TCEA2: variants seen among roughly 807,000 people sequenced by gnomAD.
TCEA2 encodes transcription elongation factor A protein 2.
TCEA2 carries 21 observed loss-of-function variants against 40.8 expected under a neutral mutation model. The ratio of observed to expected loss-of-function variants is 0.51; its 90% confidence interval spans 0.36 to 0.74. The LOEUF (loss-of-function observed/expected upper bound fraction) is 0.74, where lower values mean the gene tolerates loss of function less well. Among genes scored for constraint, TCEA2 ranks in the 30% least tolerant of loss-of-function variants. The probability of loss-of-function intolerance (pLI) is 0.00; values close to 1 mark genes in which losing one functional copy is unlikely to be tolerated. For synonymous variants in TCEA2, 165 were observed against 162.7 expected, an observed-to-expected ratio of 1.01 and a Z score of -0.11; for missense variants, 326 against 426.5, an observed-to-expected ratio of 0.76 and a Z score of 2.08.
At chr20:64,060,956 A>AT (rs939980809), upstream of TCEA2, among the ~76,000 whole-genome samples, 10 of 150,374 alleles carry the variant, frequency 6.7e-5, no homozygotes, top group South Asian at 1.1e-3. Flanking sequence ...TGCCCGGCTA[A>AT]TTTTTTTTTG....
At position 64,068,126 on chromosome 20, in the gene TCEA2, G is replaced by A. The variant is rs201318068; in HGVS notation, c.321G>A (p.Pro107=). 12 of 1,607,838 alleles carry A rather than the reference G, an allele frequency of 7.5e-6. No homozygotes were observed. The highest frequency in any genetic ancestry group is 4.5e-5 in the East Asian group (2 of 44,672). ...CCTCGAGGGATGCCTCAGAGGCCCC[G>A]GATCCCAGGTAGCACACCTGGAAGG... ...PTSSRDASEA[P]DPSRKRPELP... is the part of the protein sequence containing the mutation. Residue 107 remains proline, a synonymous_variant, in exon 4 of 10, where the codon CCG becomes CCA. Transcript: ENST00000343484.
At chr20:64,067,606 C>G (rs1017860786) in intron 3 of TCEA2, among the ~76,000 whole-genome samples, 1 of 146,442 alleles carries the variant, frequency 6.8e-6, no homozygotes, top group African/African-American at 2.4e-5. Context: ...GTGAAACAGT[C>G]TCTCTCCAGC....
upstream of TCEA2, chr20:64,062,453 A>G (rs2059584964): frequency 1.3e-5 from 2 of 152,302 alleles, no homozygotes; most frequent in South Asian, 4.1e-4. Context: ...ATCAGCTGAC[A>G]TCATCTTGAC....
chr20:64,070,021 T>C (rs771746849), intron 6 of TCEA2, 200 bp downstream of exon 6: 6 of 875,574 alleles, frequency 6.9e-6, no homozygotes, highest in Non-Finnish European at 1.1e-5. Context: ...TTCTGTCTGC[T>C]TGTGGGGCCT....
chr20:64,071,185 TA>T (rs1307906923), intron 8 of TCEA2, among the ~76,000 whole-genome samples: 4 of 152,144 alleles, frequency 2.6e-5, no homozygotes, highest in Non-Finnish European at 4.4e-5. Flanking sequence ...CCGTCTCTAC[TA>T]AAAATACAAA....
intron 1 of TCEA2, among the ~76,000 whole-genome samples, chr20:64,064,631 CTG>C (rs1276569874): frequency 1.3e-5 from 2 of 152,118 alleles, no homozygotes; most frequent in African/African-American, 2.4e-5. Context: ...CACCCCAGGG[CTG>C]TGTGACTGCA....
chr20:64,071,886 C>T lies in TCEA2; in HGVS notation c.836C>T (p.Ser279Phe). ...TGTTCACAGGTGCAGACCCGCAGCTCTGATGAGCCCATGACCACCTTTGTT... is the reference window on the plus strand; with the variant it reads ...TGTTCACAGGTGCAGACCCGCAGCTTTGATGAGCCCATGACCACCTTTGTT... The part of the protein sequence containing the change: ...CTYTQVQTRS[S>F]DEPMTTFVVC... The change falls in exon 9 of 10, where the codon TCT becomes TTT. Residue 279 changes from serine to phenylalanine, a missense_variant. By Grantham distance (155) the Ser-to-Phe change is radical. Transcript: ENST00000343484. 1 of 1,614,158 alleles carries T rather than the reference C, an allele frequency of 6.2e-7. No homozygotes were observed. Among genetic ancestry groups the T allele is most frequent in the Non-Finnish European group, 8.5e-7 (1 of 1,180,026 alleles).
At chr20:64,072,118 T>G (rs1378073420) in intron 9 of TCEA2, 54 bp from the exon 10 acceptor site, 2 of 1,611,110 alleles carry the variant, frequency 1.2e-6, no homozygotes, top group Middle Eastern at 1.7e-4. Flanking sequence ...GGCCTTCCAC[T>G]CTGGGGGATC....
chr20:64,063,010 T>A (rs2059599924), upstream of TCEA2: 1 of 209,138 alleles, frequency 4.8e-6, no homozygotes, highest in Non-Finnish European at 9.4e-6. Context: ...TATTGTGGGA[T>A]CACGAGTCAC....
chr20:64,056,536 G>A (rs945511344), upstream of TCEA2, among the ~76,000 whole-genome samples: 1 of 73,018 alleles, frequency 1.4e-5, no homozygotes, highest in Non-Finnish European at 2.6e-5. Flanking sequence ...GCAGGGGGTG[G>A]GGGCTCCTGG....
chr20:64,071,814 T>C (rs2059844963), intron 8 of TCEA2, 56 bp from the exon 9 acceptor site: 1 of 1,599,104 alleles, frequency 6.3e-7, no homozygotes, highest in Admixed American at 1.7e-5. Flanking sequence ...GTTGAGGGGA[T>C]GCCGTCTGCA....
chr20:64,067,118 C>A, intron 3 of TCEA2, 98 bp downstream of exon 3: 2 of 1,301,336 alleles, frequency 1.5e-6, no homozygotes, highest in Non-Finnish European at 1.1e-6. Context: ...CAGTGTCCAC[C>A]CTGAGCCAGG....
At chr20:64,063,750 C>T (rs892899312) in intron 1 of TCEA2, 26 of 244,688 alleles carry the variant, frequency 1.1e-4, no homozygotes, top group Non-Finnish European at 1.9e-4. Flanking sequence ...GGCCCTGTCC[C>T]GCCTCTCGGA....
chr20:64,070,605 G>A lies in TCEA2; in HGVS notation c.789G>A (p.Lys263=), dbSNP rs776381249. 4 of 1,610,790 alleles carry A rather than the reference G, an allele frequency of 2.5e-6. No individual in the cohort carries two copies. The highest frequency in any genetic ancestry group is 3.3e-4 in the Middle Eastern group (2 of 6,058). Residue 263 remains lysine, a synonymous_variant, in exon 8 of 10, where the codon AAG becomes AAA. Transcript: ENST00000343484. ...GTQTDLFTCG[K]CRKKNCTYTQ... Reference sequence around the variant, plus strand: ...AGACAGACCTGTTCACCTGCGGCAAGTGCAGGAAAAAGAACTGCACCTACA... The same window carrying A: ...AGACAGACCTGTTCACCTGCGGCAAATGCAGGAAAAAGAACTGCACCTACA...
chr20:64,071,476 C>G (rs1329960315), intron 8 of TCEA2, among the ~76,000 whole-genome samples: 1 of 152,206 alleles, frequency 6.6e-6, no homozygotes, highest in Non-Finnish European at 1.5e-5. Context: ...CGGTGCAGAG[C>G]CTGCCTCTCT....
chr20:64,057,410 T>C (rs2059486826), exon 1 of TCEA2: 1 of 152,166 alleles, frequency 6.6e-6, no homozygotes, highest in South Asian at 2.1e-4. Context: ...TGGCTCCCCG[T>C]GTGTGCGAGG....
intron 4 of TCEA2, among the ~76,000 whole-genome samples, chr20:64,068,639 G>C (rs1204133006): frequency 6.6e-6 from 1 of 152,280 alleles, no homozygotes; most frequent in Non-Finnish European, 1.5e-5. Context: ...ATTGTGGCAG[G>C]CTATAGCCGA....
intron 9 of TCEA2, 40 bp from the exon 10 acceptor site, chr20:64,072,132 T>C (rs2059853561): frequency 6.2e-6 from 10 of 1,612,614 alleles, no homozygotes; most frequent in African/African-American, 2.7e-5. Flanking sequence ...GGGGATCTCA[T>C]GTGGCCACAA....
Position 64,063,264 on chromosome 20 carries a change from G to A in TCEA2, c.-49G>A, listed in dbSNP as rs957541806. The A allele has an allele frequency of 4.0e-6, 6 of 1,498,244 alleles. No individual in the cohort carries two copies. The Admixed American group carries it at 6.4e-5, about 16-fold the overall frequency. 92.8% of individuals were successfully genotyped at this position (1,498,244 alleles called of 1,614,324 possible). Reference sequence around the variant, plus strand: ...GACGGCCGGGGCCGGGGTCCTGCCCGGCTGCGGAGGCGGGCGCGACGGGCG... The same window carrying A: ...GACGGCCGGGGCCGGGGTCCTGCCCAGCTGCGGAGGCGGGCGCGACGGGCG... On this transcript the variant is annotated 5_prime_UTR_variant, in exon 1 of 10. Coordinates refer to ENST00000343484, the MANE Select transcript of TCEA2 (RefSeq NM_003195.6).
Sources: gnomAD v4.1 joint callset for allele counts (sites outside exome capture counted in the v4.1 genomes callset) on GRCh38, gnomAD v4.1.1 for gene constraint, MANE v1.5 for transcripts, NCBI Gene and HGNC (gene_info 2026-07-23, HGNC 2026-07-21) for gene names.